The following RIN3 variants were observed in gnomAD, a reference collection of about 807,000 sequenced individuals.
RIN3 encodes the protein RAB5 interacting protein 3.
In RIN3, 54 loss-of-function variants were observed where a neutral mutation model predicts 76.3. The observed-to-expected ratio is 0.71, with a 90% CI of 0.57 to 0.89. The LOEUF is 0.89. Among genes scored for constraint, RIN3 ranks in the 40% least tolerant of loss-of-function variants. The probability of loss-of-function intolerance (pLI) is 0.00; values close to 1 mark genes in which losing one functional copy is unlikely to be tolerated. For missense variants in RIN3, 1,256 were observed against 1,322.1 expected, an observed-to-expected ratio of 0.95 and a Z score of 0.78; for synonymous variants, 576 against 564.0, an observed-to-expected ratio of 1.02 and a Z score of -0.30.
At position 92,681,420 on chromosome 14, in the gene RIN3, T is replaced by C. The variant is rs1027177441; in HGVS notation, c.2468-3567T>C. Among the ~76,000 whole-genome samples, 4 of 152,208 alleles carry C rather than the reference T, an allele frequency of 2.6e-5. No homozygotes were observed. The highest frequency in any genetic ancestry group is 4.8e-5 in the African/African-American group (2 of 41,436). ...CCCAGAGCACCTCCCTGAGGCCTCA[T>C]AGCCACCATGCGTTATTCACACATT... On this transcript the variant is annotated intron_variant, in intron 8 of 9. Transcript: ENST00000216487. The surrounding 1 kb of genome is among the most constrained non-coding windows in gnomAD (Gnocchi z 4.7).
rs751593273 is a variant in RIN3 at position 92,651,957 on chromosome 14, T to G, written c.908T>G (p.Leu303Arg). The change falls in exon 6 of 10, where the codon CTT (leucine) becomes CGT (arginine). Residue 303 changes from leucine to arginine, a missense_variant. Leu to Arg is a moderately radical substitution (Grantham distance 102, BLOSUM62 -2). Transcript: ENST00000216487. ...GCCCAGCCCCCTGTGCTCCCTGCTC[T>G]TGCCCCCGCCCCTGCCTGTCCTTTG... ...SPAQPPVLPALAPAPACPLPT... is the reference protein window; with the variant it reads ...SPAQPPVLPARAPAPACPLPT... 63 of 1,325,642 alleles carry G rather than the reference T, an allele frequency of 4.8e-5. No individual in the cohort carries two copies. In the Admixed American group the frequency reaches 6.4e-4, roughly 14 times the overall value. The allele number at this position is 1,325,642 out of a possible 1,614,324, so 82.1% of individuals were successfully genotyped here.
intron 1 of RIN3, among the ~76,000 whole-genome samples, chr14:92,549,956 G>T (rs1897378997): frequency 6.6e-6 from 1 of 152,240 alleles, no homozygotes; most frequent in African/African-American, 2.4e-5. Context: ...GTCCTTAGCG[G>T]AGTGGGAGTT....
At chr14:92,586,102 AC>A (rs1304037757) in intron 3 of RIN3, among the ~76,000 whole-genome samples, 1 of 152,202 alleles carries the variant, frequency 6.6e-6, no homozygotes, top group Non-Finnish European at 1.5e-5. Flanking sequence ...CAACACAGCT[AC>A]TGGGAGGAAT....
rs33912278 is a variant in RIN3 at position 92,633,856 on chromosome 14, G to GGTGTGT, written c.441-7363_441-7358dup. On this transcript the variant is annotated intron_variant, in intron 4 of 9. Coordinates refer to ENST00000216487, the MANE Select transcript of RIN3 (RefSeq NM_024832.5). ...CATTTTGCTAAACTTTTGTTTTAGT[G>GGTGTGT]GTGTGTGTGTGTGTGTGTGTGTGTT... Among the ~76,000 whole-genome samples, 174 of 146,944 alleles carry GGTGTGT rather than the reference G, an allele frequency of 1.2e-3. 1 individual carries two copies. The highest frequency in any genetic ancestry group is 3.8e-3 in the African/African-American group (153 of 40,490).
At chr14:92,569,241 G>A (rs1427629363) in intron 2 of RIN3, among the ~76,000 whole-genome samples, 2 of 152,226 alleles carry the variant, frequency 1.3e-5, no homozygotes, top group Non-Finnish European at 2.9e-5. Context: ...AGGTCTAGGT[G>A]GAGCCTGAGA....
intron 1 of RIN3, among the ~76,000 whole-genome samples, chr14:92,547,766 C>A (rs1897322811): frequency 6.6e-6 from 1 of 151,848 alleles, no homozygotes; most frequent in African/African-American, 2.4e-5. Flanking sequence ...TGCAGTGGCA[C>A]CATCTCAGCT....
chr14:92,685,417 C>T lies in RIN3; in HGVS notation c.2631+267C>T, dbSNP rs1888817978. 2 of 466,220 alleles carry T rather than the reference C, an allele frequency of 4.3e-6. No individual in the cohort carries two copies. The highest frequency in any genetic ancestry group is 3.9e-6 in the Non-Finnish European group (1 of 254,730). The allele number at this position is 466,220 out of a possible 1,614,324, so 28.9% of individuals were successfully genotyped here. A position where few individuals can be genotyped will look rare whatever the true frequency, so the allele number is the denominator to read the frequency against. On this transcript the variant is annotated intron_variant, in intron 9 of 9. Coordinates refer to ENST00000216487, the MANE Select transcript of RIN3 (RefSeq NM_024832.5). This position sits in a 1 kb window ranked among gnomAD's most constrained non-coding sequence, Gnocchi z 4.7. ...GGAAGGGTGCAGGAGGAATGAGACA[C>T]ACCCATCATTCCTTAGCCCCTCCTA...
At chr14:92,572,877 C>CTTTTTTTTTTTT (rs763771909) in intron 2 of RIN3, among the ~76,000 whole-genome samples, 25 of 100,100 alleles carry the variant, frequency 2.5e-4, no homozygotes, top group East Asian at 2.8e-4. Context: ...CTTTTTTTTG[C>CTTTTTTTTTTTT]TTTTTTTTTT....
intron 1 of RIN3, among the ~76,000 whole-genome samples, chr14:92,535,452 T>A (rs1896975024): frequency 6.6e-6 from 1 of 151,616 alleles, no homozygotes; most frequent in South Asian, 2.1e-4. Flanking sequence ...CTCCTAATGA[T>A]GTCTTGATGA....
At chr14:92,621,108 G>A (rs1218424447) in intron 4 of RIN3, among the ~76,000 whole-genome samples, 3 of 151,966 alleles carry the variant, frequency 2.0e-5, no homozygotes, top group Non-Finnish European at 4.4e-5. Flanking sequence ...TTAACATGGT[G>A]AAACCCCGTC....
intron 3 of RIN3, among the ~76,000 whole-genome samples, chr14:92,596,989 T>C (rs1003312823): frequency 6.6e-6 from 1 of 152,154 alleles, no homozygotes; most frequent in African/African-American, 2.4e-5. Flanking sequence ...TTGTTTGTTT[T>C]TTTTCCCTCC....
At chr14:92,534,494 C>T (rs186809374) in intron 1 of RIN3, among the ~76,000 whole-genome samples, 116 of 151,576 alleles carry the variant, frequency 7.7e-4, no homozygotes, top group African/African-American at 2.6e-3. Flanking sequence ...GCAGGAGAAT[C>T]GCTTGAACCT....
intron 1 of RIN3, among the ~76,000 whole-genome samples, chr14:92,555,148 C>T (rs1217343715): frequency 6.6e-6 from 1 of 152,164 alleles, no homozygotes; most frequent in Non-Finnish European, 1.5e-5. Context: ...GCTAGCTGTA[C>T]ACTCAAGATG....
rs112903414 is a variant in RIN3, at chr14:92,635,632, A to G, written c.441-5606A>G. Among the ~76,000 whole-genome samples, 913 of 152,194 alleles carry G rather than the reference A, an allele frequency of 6.0e-3. 11 individuals carry two copies. Among genetic ancestry groups the G allele is most frequent in the African/African-American group, 0.021 (875 of 41,524 alleles). ...TTCGGGAGGCTGAGGCAGGCAGATC[A>G]CTTGAGGTTAGGAGTTTGAGACCAG... is the stretch of plus-strand genomic sequence containing the variant. On this transcript the variant is annotated intron_variant, in intron 4 of 9. Coordinates refer to ENST00000216487, the MANE Select transcript of RIN3 (RefSeq NM_024832.5).
intron 3 of RIN3, among the ~76,000 whole-genome samples, chr14:92,610,860 T>C (rs1021014292): frequency 1.3e-5 from 2 of 152,214 alleles, no homozygotes; most frequent in Non-Finnish European, 2.9e-5. Context: ...CCTGCACCCC[T>C]GCCTCACACC....
chr14:92,659,198 G>C lies in RIN3; in HGVS notation c.2064G>C (p.Leu688=). The C allele has an allele frequency of 6.2e-7, 1 of 1,614,182 alleles. No homozygotes were observed. The highest frequency in any genetic ancestry group is 2.2e-5 in the East Asian group (1 of 44,884). Residue 688 remains leucine (L), a synonymous_variant, in exon 7 of 10, where the codon CTG becomes CTC. Coordinates refer to ENST00000216487, the MANE Select transcript of RIN3 (RefSeq NM_024832.5). Reference sequence around the variant, plus strand: ...AGTCTGCCTTGTACAAATGTGTCCTGAAGCCCCTGAAGGAAGCCATCAACT... The same window carrying C: ...AGTCTGCCTTGTACAAATGTGTCCTCAAGCCCCTGAAGGAAGCCATCAACT... The part of the protein sequence containing the change: ...IVESALYKCV[L]KPLKEAINSC...
rs139796279 is a variant in RIN3, at chr14:92,621,011, G to A, written c.440+5532G>A. Among the ~76,000 whole-genome samples, 435 of 152,086 alleles carry A rather than the reference G, an allele frequency of 2.9e-3. 1 individual carries two copies. The highest frequency in any genetic ancestry group is 3.9e-3 in the East Asian group (20 of 5,174). On this transcript the variant is annotated intron_variant, in intron 4 of 9. Transcript: ENST00000216487. The stretch of plus-strand genomic sequence containing the variant: ...ATATTTAAAAAAGAATTGCTGGGCC[G>A]GGCACGGTTGCTCATGCCTGTAATC...
intron 2 of RIN3, among the ~76,000 whole-genome samples, chr14:92,563,018 A>G (rs200133545): frequency 6.6e-6 from 1 of 152,152 alleles, no homozygotes; most frequent in East Asian, 1.9e-4. Flanking sequence ...CACCCTCCCT[A>G]GGTGTGAGCC....
intron 4 of RIN3, among the ~76,000 whole-genome samples, chr14:92,638,341 G>A (rs1019990903): frequency 9.9e-5 from 15 of 152,232 alleles, no homozygotes; most frequent in African/African-American, 2.9e-4. Context: ...GGAGTCCCCC[G>A]AGTGTGGGGA....
Sources: allele counts gnomAD v4.1 joint callset (sites outside exome capture counted in the v4.1 genomes callset), GRCh38; gene constraint gnomAD v4.1.1; non-coding constraint Gnocchi (gnomAD v3.1); transcripts MANE v1.5; gene names NCBI Gene and HGNC (gene_info 2026-07-23, HGNC 2026-07-21).